The following EPB41L1 variants were observed in gnomAD, a reference collection of about 807,000 sequenced individuals.
EPB41L1 encodes band 4.1-like protein 1.
In EPB41L1, 29 loss-of-function variants were observed where a neutral mutation model predicts 97.8. That is an observed-to-expected ratio of 0.30 (90% CI 0.22 to 0.40). The LOEUF is 0.40. EPB41L1 is among the 10% of genes least tolerant of loss of function. EPB41L1 has a pLI of 1.00. For synonymous variants in EPB41L1, 383 were observed against 459.2 expected (o/e 0.83, Z 2.12); for missense variants, 812 against 1,162.3 (o/e 0.70, Z 4.38).
At chr20:36,202,365 C>T (rs1440362952) in intron 14 of EPB41L1, among the ~76,000 whole-genome samples, 1 of 152,230 alleles carries the variant, frequency 6.6e-6, no homozygotes, top group Non-Finnish European at 1.5e-5. Flanking sequence ...CCCGCTACCG[C>T]TCTGCATCCT....
intron 1 of EPB41L1, 44 bp from the exon 2 acceptor site, chr20:36,173,720 T>C: frequency 6.3e-7 from 1 of 1,581,324 alleles, no homozygotes; most frequent in East Asian, 2.2e-5. Flanking sequence ...TGTCATACCA[T>C]TGCTGTCCCT....
intron 3 of EPB41L1, 94 bp downstream of exon 3, chr20:36,175,809 A>G: frequency 7.3e-7 from 1 of 1,372,058 alleles, no homozygotes; most frequent in Admixed American, 1.8e-5. Context: ...GGGCCAAACC[A>G]GAGGAGTCCT....
Position 36,185,329 on chromosome 20 carries a change from C to T in EPB41L1, c.779C>T (p.Thr260Ile), listed in dbSNP as rs2061639598. Residue 260 changes from threonine (T) to isoleucine (I), a missense_variant, in exon 7 of 22, where the codon ACA (threonine) becomes ATA (isoleucine). This residue lies in a region of EPB41L1 where 230 missense variants were observed against 445.2 expected (regional missense o/e 0.52). Coordinates refer to ENST00000338074, the MANE Select transcript of EPB41L1 (RefSeq NM_012156.2). ...LEERIMELHK[T>I]YRGMTPGEAE... is the part of the protein sequence containing the mutation. Reference sequence around the variant, plus strand: ...GAGAGGATCATGGAGCTGCATAAGACATATAGGTAAGAGGGTGCCAGCCAG... The same window carrying T: ...GAGAGGATCATGGAGCTGCATAAGATATATAGGTAAGAGGGTGCCAGCCAG... The T allele has an allele frequency of 6.2e-7, 1 of 1,612,522 alleles. No homozygotes were observed. The highest frequency in any genetic ancestry group is 8.5e-7 in the Non-Finnish European group (1 of 1,179,982).
chr20:36,201,419 T>A (rs1024301636), intron 14 of EPB41L1, among the ~76,000 whole-genome samples: 1 of 152,154 alleles, frequency 6.6e-6, no homozygotes, highest in Non-Finnish European at 1.5e-5. Flanking sequence ...AGGCTCTGAC[T>A]TCTATGCTTA....
intron 3 of EPB41L1, among the ~76,000 whole-genome samples, chr20:36,176,814 TAG>T (rs1206318423): frequency 2.6e-5 from 4 of 151,998 alleles, no homozygotes; most frequent in Non-Finnish European, 5.9e-5. Flanking sequence ...GTATTTTTAG[TAG>T]AGACAGGGTT....
At chr20:36,130,124 T>C (rs2059138973) in intron 2 of EPB41L1, among the ~76,000 whole-genome samples, 1 of 152,088 alleles carries the variant, frequency 6.6e-6, no homozygotes, top group South Asian at 2.1e-4. Context: ...CTATTTTTAG[T>C]AGAGACGGTA....
intron 1 of EPB41L1, among the ~76,000 whole-genome samples, chr20:36,096,319 C>A (rs1264880003): frequency 6.6e-6 from 1 of 152,188 alleles, no homozygotes; most frequent in Non-Finnish European, 1.5e-5. Flanking sequence ...ACAAGTCTCT[C>A]CTTCAGTGAC....
rs1229926137 is a variant in EPB41L1 at position 36,219,764 on chromosome 20, A to T, written c.2359A>T (p.Ile787Phe). The change falls in exon 19 of 22, where the codon ATC (isoleucine) becomes TTC (phenylalanine). Residue 787 changes from isoleucine to phenylalanine, a missense_variant. By Grantham distance (21) the Ile-to-Phe change is conservative. This residue lies in a region of EPB41L1 where 498 missense variants were observed against 622.7 expected (regional missense o/e 0.80). Transcript: ENST00000338074. ...GGGGGGTGGTTATATTCTGCAGATCATCGGGAAAGATGTCCTCACCAGCAC... is the reference window on the plus strand; with the variant it reads ...GGGGGGTGGTTATATTCTGCAGATCTTCGGGAAAGATGTCCTCACCAGCAC... ...ATEIRSLSPI[I>F]GKDVLTSTYG... 6.2e-7 allele frequency: 1 copy of T among 1,614,084 alleles called. No individual in the cohort carries two copies. The highest frequency in any genetic ancestry group is 2.2e-5 in the East Asian group (1 of 44,878).
intron 7 of EPB41L1, 113 bp from the exon 8 acceptor site, chr20:36,187,563 C>G (rs1600822105): frequency 1.2e-6 from 1 of 849,770 alleles, no homozygotes; most frequent in South Asian, 1.4e-5. Flanking sequence ...TAGGGTGAGG[C>G]TCAGCATATT....
chr20:36,105,053 T>C (rs549524847), intron 1 of EPB41L1, among the ~76,000 whole-genome samples: 1 of 152,238 alleles, frequency 6.6e-6, no homozygotes, highest in East Asian at 1.9e-4. Flanking sequence ...CAGGCTTTCC[T>C]TCCGGAAAAG....
Position 36,130,756 on chromosome 20 carries a change from T to TTC in EPB41L1, c.-10+18288_-10+18289dup, listed in dbSNP as rs754299683. 8.0e-3 allele frequency among the ~76,000 whole-genome samples: 1,115 copies of TTC among 139,402 alleles called. 14 individuals carry two copies. Among genetic ancestry groups the TTC allele is most frequent in the African/African-American group, 0.029 (1,062 of 36,000 alleles). 91.5% of individuals were successfully genotyped at this position (139,402 alleles called of 152,430 possible). A position where few individuals can be genotyped will look rare whatever the true frequency, so the allele number is the denominator to read the frequency against. On this transcript the variant is annotated intron_variant, in intron 2 of 19. Transcript: ENST00000202028. ...GAATGGCAGGAACTGTTTTTTATTT[T>TTC]TCTCTCTCTCTCTATTTGATTTTTA...
intron 18 of EPB41L1, 53 bp downstream of exon 18, chr20:36,219,015 C>A: frequency 6.4e-7 from 1 of 1,560,088 alleles, no homozygotes; most frequent in Non-Finnish European, 8.8e-7. Flanking sequence ...AGAATATGGG[C>A]ATGGACCCAT....
In EPB41L1 at chr20:36,132,572, G is replaced by T. The variant is rs535242150; in HGVS notation, c.-10+20092G>T. Reference sequence around the variant, plus strand: ...GACATGGACATCTTTGTGGGCGGGGGGGGGGGGCGCATTATTATGCCTGCC... The same window carrying T: ...GACATGGACATCTTTGTGGGCGGGGTGGGGGGGCGCATTATTATGCCTGCC... On this transcript the variant is annotated intron_variant, in intron 2 of 19. Coordinates refer to the EPB41L1 transcript ENST00000202028. 6.1e-4 allele frequency among the ~76,000 whole-genome samples: 77 copies of T among 127,168 alleles called. 1 individual carries two copies. The highest frequency in any genetic ancestry group is 1.0e-3 in the Non-Finnish European group (62 of 60,566). 83.4% of individuals were successfully genotyped at this position (127,168 alleles called of 152,430 possible).
chr20:36,188,658 AG>A (rs2061803135), intron 9 of EPB41L1, among the ~76,000 whole-genome samples, 159 bp downstream of exon 9: 1 of 151,594 alleles, frequency 6.6e-6, no homozygotes, highest in Non-Finnish European at 1.5e-5. Context: ...AGAGAGAGAG[AG>A]AGAGAGAGAG....
chr20:36,152,326 G>A (rs1442274055), upstream of EPB41L1: 1 of 152,444 alleles, frequency 6.6e-6, no homozygotes, highest in Non-Finnish European at 1.5e-5. Flanking sequence ...ACGATGTCTG[G>A]GAACATCCTG....
chr20:36,122,365 A>C (rs1360948181), intron 2 of EPB41L1, among the ~76,000 whole-genome samples: 1 of 152,136 alleles, frequency 6.6e-6, no homozygotes, highest in Non-Finnish European at 1.5e-5. Flanking sequence ...CTGGTGGTGG[A>C]GCCGCTCAGC....
At position 36,205,774 on chromosome 20, in the gene EPB41L1, C is replaced by A. The variant is rs998458726; in HGVS notation, c.1669-3714C>A. 6.4e-5 allele frequency: 78 copies of A among 1,214,064 alleles called. 1 individual carries two copies. The South Asian group carries it at 1.1e-3, about 17-fold the overall frequency. The allele number at this position is 1,214,064 out of a possible 1,614,324, so 75.2% of individuals were successfully genotyped here. A position where few individuals can be genotyped will look rare whatever the true frequency, so the allele number is the denominator to read the frequency against. ...TCAGTGGTAGATTGGTCCCCTCTTA[C>A]AAAGGGAAAAACTCACCCATTCTTC... On this transcript the variant is annotated intron_variant, in intron 14 of 21. Transcript: ENST00000338074.
chr20:36,206,946 GA>G lies in EPB41L1; in HGVS notation c.1669-2540del. ...GCGCCCTTCCTCGGGCCATCCCTCT[GA>G]ATGTCAGGAAGCCAGTCAAACCAGA... On this transcript the variant is annotated intron_variant, in intron 14 of 21. Transcript: ENST00000338074. The surrounding 1 kb of genome is among the most constrained non-coding windows in gnomAD (Gnocchi z 5.5). 7.8e-7 allele frequency: 1 copy of G among 1,289,932 alleles called. No homozygotes were observed. Among genetic ancestry groups the G allele is most frequent in the Non-Finnish European group, 1.0e-6 (1 of 988,896 alleles). 79.9% of individuals were successfully genotyped at this position (1,289,932 alleles called of 1,614,324 possible).
At chr20:36,173,474 G>A (rs2061083740) in intron 1 of EPB41L1, among the ~76,000 whole-genome samples, 1 of 152,178 alleles carries the variant, frequency 6.6e-6, no homozygotes, top group South Asian at 2.1e-4. Flanking sequence ...GGTAGAGCAG[G>A]GCTCCCTGGA....
Sources: allele counts gnomAD v4.1 joint callset (sites outside exome capture counted in the v4.1 genomes callset), GRCh38; gene constraint gnomAD v4.1.1; regional missense constraint gnomAD v4.1.1; non-coding constraint Gnocchi (gnomAD v3.1); transcripts MANE v1.5; gene names NCBI Gene and HGNC (gene_info 2026-07-23, HGNC 2026-07-21).